Variants in DLG2 observed in about 807,000 individuals in gnomAD.
DLG2 encodes the protein disks large homolog 2.
Under a neutral mutation model 132.5 loss-of-function variants are expected in DLG2, and 45 were observed. The ratio of observed to expected loss-of-function variants is 0.34; its 90% confidence interval spans 0.27 to 0.44. The LOEUF (loss-of-function observed/expected upper bound fraction) is 0.44, where lower values mean the gene tolerates loss of function less well. Among genes scored for constraint, DLG2 ranks in the 20% least tolerant of loss-of-function variants. The pLI is 1.00. For missense variants in DLG2, 1,045 were observed against 1,196.9 expected, an observed-to-expected ratio of 0.87 and a Z score of 1.87; for synonymous variants, 424 against 419.6, an observed-to-expected ratio of 1.01 and a Z score of -0.13.
chr11:84,974,854 G>A (rs1331181694), intron 6 of DLG2, among the ~76,000 whole-genome samples: 1 of 152,204 alleles, frequency 6.6e-6, no homozygotes, highest in East Asian at 1.9e-4. Context: ...AGGTCTATGT[G>A]AAATTTGGTT....
intron 6 of DLG2, among the ~76,000 whole-genome samples, chr11:85,077,458 C>T (rs1026165756): frequency 6.6e-5 from 10 of 151,730 alleles, no homozygotes; most frequent in African/African-American, 2.4e-4. Context: ...TTTCCAAGTG[C>T]CTGCTTCTTA....
rs117498945 is a variant in DLG2 at position 83,956,923 on chromosome 11, T to C, written c.1340+5962A>G. Among the ~76,000 whole-genome samples, 140 of 152,340 alleles carry C rather than the reference T, an allele frequency of 9.2e-4. 4 individuals are homozygous for C. In the East Asian group the frequency reaches 0.024, roughly 27 times the overall value. On this transcript the variant is annotated intron_variant, in intron 14 of 27. Transcript: ENST00000376104. ...TCAGTGTTTCTCAAACTTGGGTACTTAAGTGTACCTTGGGGTTTGTGGTAT... is the reference window on the plus strand; with the variant it reads ...TCAGTGTTTCTCAAACTTGGGTACTCAAGTGTACCTTGGGGTTTGTGGTAT...
At chr11:84,331,459 A>T (rs1484712568) in intron 7 of DLG2, among the ~76,000 whole-genome samples, 1 of 142,974 alleles carries the variant, frequency 7.0e-6, no homozygotes, top group East Asian at 2.0e-4. Flanking sequence ...AAAAAAAAAA[A>T]AATAAATAAA....
intron 4 of DLG2, among the ~76,000 whole-genome samples, chr11:85,189,096 A>G (rs188194270): frequency 6.6e-6 from 1 of 152,322 alleles, no homozygotes; most frequent in Non-Finnish European, 1.5e-5. Flanking sequence ...AAGATAAAAA[A>G]TATGACTCAT....
intron 16 of DLG2, among the ~76,000 whole-genome samples, chr11:83,868,365 TG>T (rs1387913790): frequency 6.6e-6 from 1 of 152,100 alleles, no homozygotes; most frequent in East Asian, 1.9e-4. Flanking sequence ...TAAATCTTTT[TG>T]GGGGGAGCAG....
intron 18 of DLG2, among the ~76,000 whole-genome samples, chr11:83,706,132 C>T (rs916723732): frequency 5.3e-5 from 8 of 151,530 alleles, no homozygotes; most frequent in Non-Finnish European, 1.0e-4. Context: ...GCAGGAGAAT[C>T]GCTTGAACCC....
chr11:83,793,865 G>A (rs1265553501), intron 17 of DLG2, among the ~76,000 whole-genome samples: 1 of 152,090 alleles, frequency 6.6e-6, no homozygotes, highest in African/African-American at 2.4e-5. Flanking sequence ...AACACAGAGT[G>A]CAATATATTA....
At chr11:84,886,841 A>C (rs1201330604) in intron 6 of DLG2, among the ~76,000 whole-genome samples, 2 of 152,166 alleles carry the variant, frequency 1.3e-5, no homozygotes, top group Non-Finnish European at 1.5e-5. Context: ...TAAGCATGCT[A>C]ATGCATAATT....
chr11:85,075,666 G>A (rs2066439361), intron 6 of DLG2, among the ~76,000 whole-genome samples: 2 of 151,738 alleles, frequency 1.3e-5, no homozygotes, highest in Admixed American at 1.3e-4. Flanking sequence ...TTTTCTGAGA[G>A]TGTATATATA....
At chr11:85,114,933 T>C (rs1382697080) in intron 5 of DLG2, among the ~76,000 whole-genome samples, 7 of 151,886 alleles carry the variant, frequency 4.6e-5, no homozygotes, top group Admixed American at 4.0e-4. Context: ...GAAAAAGTTG[T>C]GTGTGGCAGA....
At chr11:84,514,954 A>T (rs181477689) in intron 7 of DLG2, among the ~76,000 whole-genome samples, 1 of 151,668 alleles carries the variant, frequency 6.6e-6, no homozygotes, top group African/African-American at 2.4e-5. Flanking sequence ...GTGTACCCAG[A>T]AAAACTAAAA....
intron 3 of DLG2, among the ~76,000 whole-genome samples, chr11:85,415,022 C>G (rs997654650): frequency 2.4e-4 from 37 of 152,136 alleles, no homozygotes; most frequent in African/African-American, 8.0e-4. Flanking sequence ...CCCCACACCC[C>G]CTGACAGGCC....
chr11:85,060,824 C>T (rs907150671), intron 6 of DLG2, among the ~76,000 whole-genome samples: 1 of 151,680 alleles, frequency 6.6e-6, no homozygotes, highest in African/African-American at 2.4e-5. Flanking sequence ...AATTTCTCCA[C>T]ATCCTTCTCA....
At chr11:84,706,659 C>A (rs1486010827) in intron 6 of DLG2, among the ~76,000 whole-genome samples, 5 of 146,302 alleles carry the variant, frequency 3.4e-5, no homozygotes, top group African/African-American at 1.3e-4. Flanking sequence ...TGACTTGTAA[C>A]TAGTAAAACA....
At chr11:83,531,084 T>C (rs2095730951) in intron 21 of DLG2, among the ~76,000 whole-genome samples, 1 of 151,974 alleles carries the variant, frequency 6.6e-6, no homozygotes, top group Admixed American at 6.6e-5. Context: ...ATATAAATCT[T>C]CATGACTTTC....
chr11:85,430,485 A>G (rs1015533924), intron 3 of DLG2, among the ~76,000 whole-genome samples: 1 of 152,168 alleles, frequency 6.6e-6, no homozygotes, highest in African/African-American at 2.4e-5. Context: ...ATCATTACAT[A>G]TCTATTGAAC....
chr11:84,603,442 T>C (rs1405749287), intron 6 of DLG2, among the ~76,000 whole-genome samples: 1 of 152,044 alleles, frequency 6.6e-6, no homozygotes, highest in Non-Finnish European at 1.5e-5. Context: ...TGCTCATCTG[T>C]AGAAGCAGGT....
At chr11:83,821,766 TC>T (rs1194998660) in intron 17 of DLG2, among the ~76,000 whole-genome samples, 1 of 152,200 alleles carries the variant, frequency 6.6e-6, no homozygotes, top group Admixed American at 6.5e-5. Flanking sequence ...CAAAGTGTTT[TC>T]CACTTCTTCC....
At chr11:83,585,874 A>G (rs1000763569) in intron 19 of DLG2, among the ~76,000 whole-genome samples, 1 of 152,220 alleles carries the variant, frequency 6.6e-6, no homozygotes, top group African/African-American at 2.4e-5. Context: ...TGGTATAATT[A>G]TGTGCCATGA....
Sources: gnomAD v4.1 joint callset for allele counts (sites outside exome capture counted in the v4.1 genomes callset) on GRCh38, gnomAD v4.1.1 for gene constraint, MANE v1.5 for transcripts, NCBI Gene and HGNC (gene_info 2026-07-23, HGNC 2026-07-21) for gene names.